The following OSBPL9 variants were observed in gnomAD, a reference collection of about 807,000 sequenced individuals.
OSBPL9 encodes the protein oxysterol-binding protein-related protein 9.
In OSBPL9, 40 loss-of-function variants were observed where a neutral mutation model predicts 106.6. That is an observed-to-expected ratio of 0.38 (90% CI 0.29 to 0.49). The LOEUF (loss-of-function observed/expected upper bound fraction) is 0.49. Among genes scored for constraint, OSBPL9 ranks in the 20% least tolerant of loss-of-function variants. OSBPL9 has a pLI of 0.97. For missense variants in OSBPL9, 609 were observed against 887.2 expected, an observed-to-expected ratio of 0.69 and a Z score of 3.98; for synonymous variants, 269 against 295.4, an observed-to-expected ratio of 0.91 and a Z score of 0.92.
chr1:51,691,437 G>C (rs895004752), intron 3 of OSBPL9, among the ~76,000 whole-genome samples: 1 of 151,588 alleles, frequency 6.6e-6, no homozygotes, highest in East Asian at 1.9e-4. Flanking sequence ...GCGCCACCAT[G>C]CCCGGCTAGT....
chr1:51,725,805 C>T (rs1464777019), intron 4 of OSBPL9, among the ~76,000 whole-genome samples: 1 of 152,158 alleles, frequency 6.6e-6, no homozygotes, highest in East Asian at 1.9e-4. Flanking sequence ...ACTCACAAAA[C>T]TGTGGTTCTC....
In OSBPL9 at chr1:51,789,113, G is replaced by T; in HGVS notation, c.*1324G>T. ...ACAAAGGATAAAAAGTAAATCAAAT[G>T]CTATGATGCCAGTGCAAAACTTCAA... is the stretch of plus-strand genomic sequence containing the variant. On this transcript the variant is annotated 3_prime_UTR_variant, in exon 24 of 24. Coordinates refer to ENST00000428468, the MANE Select transcript of OSBPL9 (RefSeq NM_024586.6). 3.4e-6 allele frequency: 3 copies of T among 873,098 alleles called. No homozygotes were observed. The highest frequency in any genetic ancestry group is 3.7e-6 in the Non-Finnish European group (2 of 541,616). The allele number at this position is 873,098 out of a possible 1,614,324, so 54.1% of individuals were successfully genotyped here.
chr1:51,712,328 T>C (rs1029221489), intron 3 of OSBPL9, among the ~76,000 whole-genome samples: 1 of 151,562 alleles, frequency 6.6e-6, no homozygotes, highest in African/African-American at 2.4e-5. Flanking sequence ...GGCAGGGAGG[T>C]TGCAGTGAGC....
chr1:51,574,220 G>A (rs1199979233), upstream of OSBPL9, among the ~76,000 whole-genome samples: 3 of 152,186 alleles, frequency 2.0e-5, no homozygotes, highest in African/African-American at 7.2e-5. Flanking sequence ...ATCATGTGGA[G>A]TGGCTTGAAT....
intron 17 of OSBPL9, among the ~76,000 whole-genome samples, chr1:51,783,378 G>A (rs115922620): frequency 1.4e-5 from 2 of 143,078 alleles, no homozygotes; most frequent in Non-Finnish European, 3.0e-5. Flanking sequence ...TAGAGTCAGT[G>A]TATCACTATG....
At chr1:51,638,512 C>T (rs887922532) in intron 1 of OSBPL9, among the ~76,000 whole-genome samples, 3 of 151,526 alleles carry the variant, frequency 2.0e-5, no homozygotes, top group Admixed American at 6.6e-5. Flanking sequence ...TGCTTGAGGC[C>T]AGGAATTTGA....
intron 2 of OSBPL9, among the ~76,000 whole-genome samples, chr1:51,662,667 A>T (rs1327763169): frequency 4.6e-5 from 7 of 152,272 alleles, no homozygotes; most frequent in Non-Finnish European, 7.4e-5. Context: ...AAGAATCTAT[A>T]GATATAACTA....
chr1:51,632,626 ACT>A (rs1257901584), intron 1 of OSBPL9, among the ~76,000 whole-genome samples: 1 of 117,514 alleles, frequency 8.5e-6, no homozygotes, highest in African/African-American at 3.3e-5. Context: ...TTAAGCAAAG[ACT>A]CTTCCTCTTA....
intron 4 of OSBPL9, among the ~76,000 whole-genome samples, chr1:51,742,980 G>T (rs1667250723): frequency 6.6e-6 from 1 of 152,174 alleles, no homozygotes; most frequent in South Asian, 2.1e-4. Context: ...GGTGACTGCT[G>T]TAAGTCACAA....
intron 4 of OSBPL9, among the ~76,000 whole-genome samples, chr1:51,720,600 G>A (rs541898428): frequency 1.6e-4 from 24 of 152,076 alleles, no homozygotes; most frequent in Admixed American, 3.3e-4. Flanking sequence ...TGTGATTACA[G>A]GCGTGAGCCA....
chr1:51,529,476 C>T, the OSBPL9 span, among the ~76,000 whole-genome samples: 2 of 151,960 alleles, frequency 1.3e-5, no homozygotes, highest in Non-Finnish European at 2.9e-5. Flanking sequence ...ATCTCCTGAC[C>T]TCATGATCCA....
At chr1:51,680,522 G>A (rs569071344) in intron 3 of OSBPL9, among the ~76,000 whole-genome samples, 5 of 151,796 alleles carry the variant, frequency 3.3e-5, no homozygotes, top group Non-Finnish European at 7.4e-5. Flanking sequence ...TTTAGCTGAC[G>A]TGGTGGTACG....
chr1:51,654,833 G>A (rs147010851), intron 2 of OSBPL9, among the ~76,000 whole-genome samples: 16 of 152,220 alleles, frequency 1.1e-4, no homozygotes, highest in Non-Finnish European at 2.2e-4. Context: ...GACAAAAAGG[G>A]TATGATTCCA....
chr1:51,583,830 T>C (rs1053310791), intron 1 of OSBPL9: 1 of 152,072 alleles, frequency 6.6e-6, no homozygotes, highest in African/African-American at 2.4e-5. Flanking sequence ...AGTCTGAGTG[T>C]TGACAGAATT....
intron 2 of OSBPL9, among the ~76,000 whole-genome samples, chr1:51,605,990 CGAGAGA>C (rs369695331): frequency 3.8e-5 from 5 of 129,886 alleles, no homozygotes; most frequent in African/African-American, 1.2e-4. Context: ...AGAAAGAGAG[CGAGAGA>C]GAGAGAGAGA....
At chr1:51,635,682 T>G (rs190132669) in intron 1 of OSBPL9, among the ~76,000 whole-genome samples, 4 of 152,282 alleles carry the variant, frequency 2.6e-5, no homozygotes, top group African/African-American at 9.6e-5. Context: ...TGTGCTTAAT[T>G]GAGCTCCGTG....
At chr1:51,569,382 A>G in the OSBPL9 span, among the ~76,000 whole-genome samples, 1 of 152,140 alleles carries the variant, frequency 6.6e-6, no homozygotes, top group African/African-American at 2.4e-5. Context: ...ATTCAGGTTT[A>G]GAGTTGCTTT....
intron 14 of OSBPL9, among the ~76,000 whole-genome samples, chr1:51,773,735 T>C (rs1197067088): frequency 2.6e-5 from 4 of 152,200 alleles, no homozygotes; most frequent in African/African-American, 9.7e-5. Context: ...TAGAGGGCCA[T>C]TAAGAAAAAG....
Position 51,770,318 on chromosome 1 carries a change from T to C in OSBPL9, c.939-1752T>C, listed in dbSNP as rs185061080. ...CACCACGCTCGGCTAACTTTTTGTA[T>C]TTTTAGTAGAGATGGGGCTTCACCA... is the stretch of plus-strand genomic sequence containing the variant. On this transcript the variant is annotated intron_variant, in intron 12 of 23. Coordinates refer to ENST00000428468, the MANE Select transcript of OSBPL9 (RefSeq NM_024586.6). Among the ~76,000 whole-genome samples the C allele has an allele frequency of 2.3e-3, 351 of 152,226 alleles. 4 individuals carry two copies. Among genetic ancestry groups the C allele is most frequent in the African/African-American group, 8.3e-3 (343 of 41,522 alleles).
Sources: allele counts gnomAD v4.1 joint callset (sites outside exome capture counted in the v4.1 genomes callset), GRCh38; gene constraint gnomAD v4.1.1; transcripts MANE v1.5; gene names NCBI Gene and HGNC (gene_info 2026-07-23, HGNC 2026-07-21).